GNA14: variants seen among roughly 807,000 people sequenced by gnomAD.
GNA14 encodes guanine nucleotide-binding protein subunit alpha-14.
Under a neutral mutation model 42.0 loss-of-function variants are expected in GNA14, and 50 were observed. The observed-to-expected ratio is 1.19, with a 90% CI of 0.95 to 1.51. The LOEUF (loss-of-function observed/expected upper bound fraction) is 1.51, where lower values mean the gene tolerates loss of function less well. Ranked by LOEUF, GNA14 falls within the 40% of genes most tolerant of loss-of-function variation. The pLI is 0.00. For synonymous variants in GNA14, 173 were observed against 163.1 expected (o/e 1.06, Z -0.46); for missense variants, 473 against 446.2 (o/e 1.06, Z -0.54).
chr9:77,520,343 AAAG>A (rs1444809714), intron 2 of GNA14, among the ~76,000 whole-genome samples: 5 of 152,214 alleles, frequency 3.3e-5, no homozygotes, highest in Non-Finnish European at 7.3e-5. Context: ...TGCAATTCTG[AAAG>A]AAGAACAGCA....
intron 2 of GNA14, among the ~76,000 whole-genome samples, chr9:77,514,814 C>T (rs919388383): frequency 5.9e-5 from 9 of 152,040 alleles, no homozygotes; most frequent in Admixed American, 1.3e-4. Context: ...GGGGTTTCAC[C>T]GTGTTAGCCA....
chr9:77,633,050 CAG>C (rs1025587608), intron 1 of GNA14, among the ~76,000 whole-genome samples: 2 of 152,132 alleles, frequency 1.3e-5, no homozygotes, highest in Admixed American at 6.5e-5. Flanking sequence ...ATGAAACACC[CAG>C]GCACTATACA....
chr9:77,625,850 G>T (rs1268514762), intron 1 of GNA14, among the ~76,000 whole-genome samples: 8 of 152,074 alleles, frequency 5.3e-5, no homozygotes, highest in Non-Finnish European at 1.0e-4. Flanking sequence ...TAACCAGCTA[G>T]CATCATAATG....
At chr9:77,509,798 T>C (rs572014749) in intron 2 of GNA14, among the ~76,000 whole-genome samples, 2 of 152,274 alleles carry the variant, frequency 1.3e-5, no homozygotes, top group Admixed American at 1.3e-4. Flanking sequence ...CAATTACTTT[T>C]GCACCAACCT....
rs144040263 is a variant in GNA14 at position 77,441,390 on chromosome 9, G to A, written c.310-6868C>T. Among the ~76,000 whole-genome samples the A allele has an allele frequency of 9.5e-4, 145 of 152,224 alleles. 1 individual carries two copies. Among genetic ancestry groups the A allele is most frequent in the Non-Finnish European group, 1.6e-3 (111 of 68,006 alleles). On this transcript the variant is annotated intron_variant, in intron 2 of 6. Transcript: ENST00000341700. ...AGGTGCCTGCTTCCCCTTCTGCCAC[G>A]GTTGTAAGTTTCCTGAGGCCTCCTC...
chr9:77,529,443 T>C (rs1837495060), intron 1 of GNA14, among the ~76,000 whole-genome samples, 190 bp from the exon 2 acceptor site: 1 of 152,168 alleles, frequency 6.6e-6, no homozygotes, highest in Admixed American at 6.5e-5. Flanking sequence ...CTCACGCAAG[T>C]GCCATCCTCA....
At chr9:77,580,569 C>A in intron 1 of GNA14, 1 of 507,826 alleles carries the variant, frequency 2.0e-6, no homozygotes, top group Admixed American at 2.3e-5. Flanking sequence ...TAAAGAATAT[C>A]AGTGAAGCTT....
At position 77,431,355 on chromosome 9, in the gene GNA14, C is replaced by G. The variant is rs375490549; in HGVS notation, c.559G>C (p.Glu187Gln). The change falls in exon 4 of 7, where the codon GAG (glutamate) becomes CAG (glutamine). Residue 187 changes from glutamate to glutamine, a missense_variant. Coordinates refer to ENST00000341700, the MANE Select transcript of GNA14 (RefSeq NM_004297.4). Reference protein sequence around the residue: ...RVRVPTTGIIEYPFDLENIIF... With the variant: ...RVRVPTTGIIQYPFDLENIIF... The stretch of plus-strand genomic sequence containing the variant: ...ATGTTTTCCAAGTCAAATGGATACT[C>G]AATGATGCCGGTGGTGGGCACTCGG... The G allele has an allele frequency of 1.2e-6, 2 of 1,613,852 alleles. No homozygotes were observed. The highest frequency in any genetic ancestry group is 1.7e-6 in the Non-Finnish European group (2 of 1,179,846).
intron 1 of GNA14, among the ~76,000 whole-genome samples, chr9:77,624,553 G>C (rs1264750836): frequency 6.6e-6 from 1 of 152,148 alleles, no homozygotes; most frequent in Non-Finnish European, 1.5e-5. Flanking sequence ...GCCCCTCTGG[G>C]AAGAAGCTTC....
intron 1 of GNA14, among the ~76,000 whole-genome samples, chr9:77,647,103 G>A (rs1321566047): frequency 6.6e-6 from 1 of 152,200 alleles, no homozygotes; most frequent in East Asian, 1.9e-4. Flanking sequence ...AGCTGACCTA[G>A]CATCGGCTTT....
chr9:77,466,745 T>C (rs544236754), intron 2 of GNA14, among the ~76,000 whole-genome samples: 9 of 152,292 alleles, frequency 5.9e-5, no homozygotes, highest in African/African-American at 2.2e-4. Context: ...CTCTGTGTAC[T>C]GATCCTTCCC....
chr9:77,493,196 C>T (rs1564030923), intron 2 of GNA14, among the ~76,000 whole-genome samples: 1 of 151,162 alleles, frequency 6.6e-6, no homozygotes, highest in Non-Finnish European at 1.5e-5. Context: ...ACTGTAAGCC[C>T]ACACAAAGTC....
intron 5 of GNA14, among the ~76,000 whole-genome samples, chr9:77,428,241 G>A (rs1348162790): frequency 6.6e-6 from 1 of 151,846 alleles, no homozygotes; most frequent in Non-Finnish European, 1.5e-5. Flanking sequence ...ACCACGCCCG[G>A]CTAATTTTTT....
intron 2 of GNA14, among the ~76,000 whole-genome samples, chr9:77,446,749 A>C (rs192475199): frequency 2.8e-4 from 42 of 152,278 alleles, no homozygotes; most frequent in African/African-American, 1.0e-3. Context: ...GTGACTACAA[A>C]ATCAACTTCA....
chr9:77,636,804 G>A (rs939098743), intron 1 of GNA14, among the ~76,000 whole-genome samples: 1 of 152,120 alleles, frequency 6.6e-6, no homozygotes, highest in Non-Finnish European at 1.5e-5. Context: ...TCCAACACTG[G>A]GGATCAAATT....
chr9:77,423,983 A>G lies in GNA14; in HGVS notation c.1064T>C (p.Val355Ala), dbSNP rs1333202337. 16 of 1,581,216 alleles carry G rather than the reference A, an allele frequency of 1.0e-5. No individual in the cohort carries two copies. Among genetic ancestry groups the G allele is most frequent in the Non-Finnish European group, 1.4e-5 (16 of 1,160,442 alleles). ...GGGAGGAGTGGGCAGCAGCTTTTAG[A>G]CAAGGTTGAATTCCCTTAGGTTTAG... ...LQLNLREFNL[V>A] The change falls in exon 7 of 7, where the codon GTC (valine) becomes GCC (alanine). Residue 355 changes from valine (V) to alanine (A), a missense_variant. Physicochemically the swap from Val to Ala is moderately conservative, Grantham distance 64. Transcript: ENST00000341700.
At chr9:77,618,603 TATATATATA>T (rs1564067789) in intron 1 of GNA14, among the ~76,000 whole-genome samples, 3 of 12,278 alleles carry the variant, frequency 2.4e-4, no homozygotes, top group African/African-American at 8.1e-4. Context: ...TATATATATA[TATATATATA>T]TATATATATT....
chr9:77,554,815 A>G (rs908682882), intron 1 of GNA14, among the ~76,000 whole-genome samples: 3 of 152,198 alleles, frequency 2.0e-5, no homozygotes. Flanking sequence ...TACTGTGACA[A>G]TTAAAGACAA....
chr9:77,540,650 T>G (rs1837648501), intron 1 of GNA14, among the ~76,000 whole-genome samples: 1 of 152,148 alleles, frequency 6.6e-6, no homozygotes, highest in Non-Finnish European at 1.5e-5. Flanking sequence ...ATCTGAGTGC[T>G]CCAGTTTTGG....
Sources: allele counts gnomAD v4.1 joint callset (sites outside exome capture counted in the v4.1 genomes callset), GRCh38; gene constraint gnomAD v4.1.1; transcripts MANE v1.5; gene names NCBI Gene and HGNC (gene_info 2026-07-23, HGNC 2026-07-21).